The following SLC35F1 variants were observed in gnomAD, a reference collection of about 807,000 sequenced individuals.
The protein encoded by SLC35F1 is chromosome 6 open reading frame 169.
In SLC35F1, 14 loss-of-function variants were observed where a neutral mutation model predicts 48.7. That is an observed-to-expected ratio of 0.29 (90% CI 0.19 to 0.45). The LOEUF (loss-of-function observed/expected upper bound fraction) is 0.45. Ranked by LOEUF, SLC35F1 falls within the 20% of genes least tolerant of loss-of-function variation. The pLI, the probability that SLC35F1 is intolerant of heterozygous loss-of-function variation, is 1.00. For synonymous variants in SLC35F1, 190 were observed against 202.2 expected, an observed-to-expected ratio of 0.94 and a Z score of 0.51; for missense variants, 404 against 500.0, an observed-to-expected ratio of 0.81 and a Z score of 1.83.
Position 118,076,599 on chromosome 6 carries a change from C to T in SLC35F1, c.174-77846C>T, listed in dbSNP as rs1416247756. 3.3e-5 allele frequency among the ~76,000 whole-genome samples: 5 copies of T among 152,244 alleles called. No homozygotes were observed. The East Asian group carries it at 7.7e-4, about 24-fold the overall frequency. ...TCCCATGAGAACTCTATCACAAGAACAGCAAGGGGGAAGTTCACCCCTATG... is the reference window on the plus strand; with the variant it reads ...TCCCATGAGAACTCTATCACAAGAATAGCAAGGGGGAAGTTCACCCCTATG... On this transcript the variant is annotated intron_variant, in intron 1 of 7. Coordinates refer to ENST00000360388, the MANE Select transcript of SLC35F1 (RefSeq NM_001029858.4).
At chr6:118,199,786 T>G (rs1376766711) in intron 2 of SLC35F1, among the ~76,000 whole-genome samples, 3 of 152,194 alleles carry the variant, frequency 2.0e-5, no homozygotes, top group Non-Finnish European at 4.4e-5. Context: ...ACATGTGAAC[T>G]TCTATCTTTA....
intron 1 of SLC35F1, among the ~76,000 whole-genome samples, chr6:117,958,011 T>C (rs1776448959): frequency 6.6e-6 from 1 of 152,084 alleles, no homozygotes; most frequent in Admixed American, 6.5e-5. Flanking sequence ...GCTCTATGAG[T>C]GTTATTGCCT....
At chr6:117,949,950 G>A (rs759428952) in intron 1 of SLC35F1, among the ~76,000 whole-genome samples, 6 of 152,074 alleles carry the variant, frequency 3.9e-5, no homozygotes, top group Non-Finnish European at 7.4e-5. Context: ...GTCTAGAATC[G>A]TCCCCCACCC....
chr6:118,172,085 G>C (rs1276912174), intron 2 of SLC35F1, among the ~76,000 whole-genome samples: 1 of 151,998 alleles, frequency 6.6e-6, no homozygotes, highest in Non-Finnish European at 1.5e-5. Context: ...AATGACGTCA[G>C]TAATAATCCT....
chr6:118,021,784 A>T (rs1777399184), intron 1 of SLC35F1, among the ~76,000 whole-genome samples: 3 of 152,166 alleles, frequency 2.0e-5, no homozygotes, highest in Non-Finnish European at 4.4e-5. Flanking sequence ...CAATTCTTCC[A>T]CTGGTCTCAC....
intron 1 of SLC35F1, among the ~76,000 whole-genome samples, chr6:118,031,432 G>A (rs1772047613): frequency 6.6e-6 from 1 of 152,166 alleles, no homozygotes; most frequent in African/African-American, 2.4e-5. Context: ...ACATGGACCT[G>A]CTGGAAGTTC....
intron 1 of SLC35F1, among the ~76,000 whole-genome samples, chr6:117,922,114 A>G (rs974427784): frequency 6.6e-6 from 1 of 152,108 alleles, no homozygotes; most frequent in Non-Finnish European, 1.5e-5. Flanking sequence ...CTTTTTTTCT[A>G]AAAGAAATTT....
intron 1 of SLC35F1, among the ~76,000 whole-genome samples, chr6:118,133,710 G>A (rs1470505294): frequency 6.6e-6 from 1 of 152,094 alleles, no homozygotes; most frequent in Non-Finnish European, 1.5e-5. Context: ...TCTTCTTGTT[G>A]CTGTTGCTGC....
intron 1 of SLC35F1, among the ~76,000 whole-genome samples, chr6:117,956,997 C>A (rs1487759378): frequency 6.6e-6 from 1 of 152,110 alleles, no homozygotes; most frequent in African/African-American, 2.4e-5. Flanking sequence ...ATATTCTAAG[C>A]CTGCGGTGAT....
rs190007189 is a variant in SLC35F1, at chr6:118,141,076, G to C, written c.174-13369G>C. Among the ~76,000 whole-genome samples, 12 of 152,240 alleles carry C rather than the reference G, an allele frequency of 7.9e-5. No homozygotes were observed. The East Asian group carries it at 2.1e-3, about 27-fold the overall frequency. On this transcript the variant is annotated intron_variant, in intron 1 of 7. Transcript: ENST00000360388. ...ATTTAGTACAGCCTAAGTTTATAAAGTCTACAGTAGTGCCCAGTAGTGTCC... is the reference window on the plus strand; with the variant it reads ...ATTTAGTACAGCCTAAGTTTATAAACTCTACAGTAGTGCCCAGTAGTGTCC...
chr6:118,178,155 G>A (rs1316526583), intron 2 of SLC35F1, among the ~76,000 whole-genome samples: 3 of 152,000 alleles, frequency 2.0e-5, no homozygotes, highest in African/African-American at 7.3e-5. Flanking sequence ...TGGGATCGCT[G>A]CACTAGATAT....
At chr6:118,069,509 C>G (rs1035537893) in intron 1 of SLC35F1, among the ~76,000 whole-genome samples, 129 of 152,120 alleles carry the variant, frequency 8.5e-4, no homozygotes, top group African/African-American at 3.0e-3. Flanking sequence ...ATAAGATGTT[C>G]TACTAAAGTT....
chr6:118,070,057 AC>A (rs1772676425), intron 1 of SLC35F1, among the ~76,000 whole-genome samples: 1 of 144,326 alleles, frequency 6.9e-6, no homozygotes, highest in Admixed American at 7.2e-5. Flanking sequence ...AATGGCGTGA[AC>A]CCGGGAAGCG....
In SLC35F1 at chr6:117,933,020, T is replaced by A. The variant is rs569936522; in HGVS notation, c.173+25121T>A. ...GGATAAGCTCACAACTTGTTTGACTTCTGCTTTTTATGCTTCATAACTAGA... is the reference window on the plus strand; with the variant it reads ...GGATAAGCTCACAACTTGTTTGACTACTGCTTTTTATGCTTCATAACTAGA... On this transcript the variant is annotated intron_variant, in intron 1 of 7. Transcript: ENST00000360388. 5.3e-5 allele frequency among the ~76,000 whole-genome samples: 8 copies of A among 152,374 alleles called. No homozygotes were observed. The East Asian group carries it at 7.7e-4, about 15-fold the overall frequency.
At chr6:117,916,517 C>T (rs1775827722) in intron 1 of SLC35F1, among the ~76,000 whole-genome samples, 1 of 151,994 alleles carries the variant, frequency 6.6e-6, no homozygotes, top group Non-Finnish European at 1.5e-5. Flanking sequence ...AAAATCTGTA[C>T]CTATAAGGTG....
chr6:117,917,874 T>A (rs1220903790), intron 1 of SLC35F1, among the ~76,000 whole-genome samples: 3 of 138,748 alleles, frequency 2.2e-5, no homozygotes, highest in African/African-American at 4.9e-5. Context: ...GGGGGCACAC[T>A]AACCCTCAAA....
chr6:118,160,061 G>C (rs1045223179), intron 2 of SLC35F1, among the ~76,000 whole-genome samples: 2 of 152,160 alleles, frequency 1.3e-5, no homozygotes, highest in African/African-American at 4.8e-5. Flanking sequence ...AGGGTAAAAA[G>C]AAAACACTTT....
At chr6:118,080,124 T>C (rs1772884325) in intron 1 of SLC35F1, among the ~76,000 whole-genome samples, 1 of 152,236 alleles carries the variant, frequency 6.6e-6, no homozygotes, top group Non-Finnish European at 1.5e-5. Flanking sequence ...TCTTTCTGAA[T>C]GGTACCTACC....
At chr6:118,075,906 C>T (rs896698829) in intron 1 of SLC35F1, among the ~76,000 whole-genome samples, 15 of 152,146 alleles carry the variant, frequency 9.9e-5, no homozygotes, top group Admixed American at 6.5e-4. Context: ...ATGGGCTTTT[C>T]TTCCAAAATG....
Sources: allele counts gnomAD v4.1 joint callset (sites outside exome capture counted in the v4.1 genomes callset), GRCh38; gene constraint gnomAD v4.1.1; transcripts MANE v1.5; gene names NCBI Gene and HGNC (gene_info 2026-07-23, HGNC 2026-07-21).